FBXO24: variants seen among roughly 807,000 people sequenced by gnomAD.
FBXO24 encodes the protein F-box only protein 24.
FBXO24 carries 30 observed loss-of-function variants against 63.5 expected under a neutral mutation model. That is an observed-to-expected ratio of 0.47 (90% CI 0.35 to 0.64). FBXO24 has a LOEUF of 0.64. Ranked by LOEUF, FBXO24 falls within the 30% of genes least tolerant of loss-of-function variation. The probability of loss-of-function intolerance (pLI) is 0.00; values close to 1 mark genes in which losing one functional copy is unlikely to be tolerated. For synonymous variants in FBXO24, 300 were observed against 305.0 expected, an observed-to-expected ratio of 0.98 and a Z score of 0.17; for missense variants, 624 against 763.4, an observed-to-expected ratio of 0.82 and a Z score of 2.15.
At position 100,594,444 on chromosome 7, in the gene FBXO24, C is replaced by T; in HGVS notation, c.855C>T (p.Tyr285=). ...NETQLDQPRS[Y]TVQLALRKVS... is the part of the protein sequence containing the mutation. Reference sequence around the variant, plus strand: ...CCCAGCTTGACCAGCCACGCTCCTACACGGTTCAGCTGGCCCTGAGGAAGG... The same window carrying T: ...CCCAGCTTGACCAGCCACGCTCCTATACGGTTCAGCTGGCCCTGAGGAAGG... The change falls in exon 6 of 10, where the codon TAC becomes TAT. Residue 285 remains tyrosine (Y), a synonymous_variant. Coordinates refer to ENST00000241071, the MANE Select transcript of FBXO24 (RefSeq NM_033506.3). The surrounding 1 kb of genome is among the most constrained non-coding windows in gnomAD (Gnocchi z 4.2). The T allele has an allele frequency of 6.2e-7, 1 of 1,613,878 alleles. No homozygotes were observed. The highest frequency in any genetic ancestry group is 8.5e-7 in the Non-Finnish European group (1 of 1,179,872).
chr7:100,588,889 G>A (rs1801871260), intron 1 of FBXO24, among the ~76,000 whole-genome samples: 1 of 152,038 alleles, frequency 6.6e-6, no homozygotes, highest in Admixed American at 6.6e-5. Flanking sequence ...GCAGTGGCAC[G>A]ATCATAGCTC....
At position 100,597,019 on chromosome 7, in the gene FBXO24, G is replaced by A. The variant is rs568473538; in HGVS notation, c.1206+1313G>A. ...ATCGTGCCACAACATTCCAGCCTGG[G>A]CAACGGAGAGAGACTCTGTCTCAAA... On this transcript the variant is annotated intron_variant, in intron 8 of 9. Transcript: ENST00000241071. Among the ~76,000 whole-genome samples, 9 of 152,316 alleles carry A rather than the reference G, an allele frequency of 5.9e-5. No individual in the cohort carries two copies. In the South Asian group the frequency reaches 1.9e-3, roughly 32 times the overall value.
In FBXO24 at chr7:100,594,872, C is replaced by A. The variant is rs1051568117; in HGVS notation, c.953-230C>A. Reference sequence around the variant, plus strand: ...GGCCGAGACAGGAGAATCACTTGAACCAGGAGGTAGAGGTTGCAGTGAACT... The same window carrying A: ...GGCCGAGACAGGAGAATCACTTGAAACAGGAGGTAGAGGTTGCAGTGAACT... On this transcript the variant is annotated intron_variant, in intron 6 of 9. Transcript: ENST00000241071. This position sits in a 1 kb window ranked among gnomAD's most constrained non-coding sequence, Gnocchi z 4.2. Among the ~76,000 whole-genome samples, 8 of 152,158 alleles carry A rather than the reference C, an allele frequency of 5.3e-5. No homozygotes were observed. Among genetic ancestry groups the A allele is most frequent in the African/African-American group, 1.4e-4 (6 of 41,416 alleles).
At chr7:100,595,447 C>T in intron 7 of FBXO24, 128 bp from the exon 8 acceptor site, 1 of 1,290,376 alleles carries the variant, frequency 7.7e-7, no homozygotes, top group East Asian at 2.5e-5. Flanking sequence ...TAGTGAGATC[C>T]CATCTCTAAA....
Position 100,590,006 on chromosome 7 carries a change from G to A in FBXO24, c.69G>A (p.Ser23=), listed in dbSNP as rs116743424. The part of the protein sequence containing the change: ...RVKRSCPSCG[S]ELGVEEKRGK... Reference sequence around the variant, plus strand: ...AGAGAAGCTGCCCTTCTTGTGGCTCGGAGCTTGGGGTTGAAGAGAAGAGGG... The same window carrying A: ...AGAGAAGCTGCCCTTCTTGTGGCTCAGAGCTTGGGGTTGAAGAGAAGAGGG... The change falls in exon 2 of 10, where the codon TCG becomes TCA. Residue 23 remains serine, a synonymous_variant. Transcript: ENST00000241071. 19 of 1,612,426 alleles carry A rather than the reference G, an allele frequency of 1.2e-5. No homozygotes were observed. The highest frequency in any genetic ancestry group is 1.7e-4 in the Middle Eastern group (1 of 5,988).
At position 100,595,561 on chromosome 7, in the gene FBXO24, A is replaced by G; in HGVS notation, c.1075-14A>G. Reference sequence around the variant, plus strand: ...GGAATGGAATCCCTATCCCCTTTCTATCTTGCACGCTAGATCCTATTCTGT... The same window carrying G: ...GGAATGGAATCCCTATCCCCTTTCTGTCTTGCACGCTAGATCCTATTCTGT... On this transcript the variant is annotated splice_polypyrimidine_tract_variant and intron_variant, in intron 7 of 9. Coordinates refer to ENST00000241071, the MANE Select transcript of FBXO24 (RefSeq NM_033506.3). 1 of 1,577,566 alleles carries G rather than the reference A, an allele frequency of 6.3e-7. No individual in the cohort carries two copies. Among genetic ancestry groups the G allele is most frequent in the Admixed American group, 1.8e-5 (1 of 56,038 alleles).
rs1346152617 is a variant in FBXO24, at chr7:100,594,463, A to C, written c.874A>C (p.Arg292=). The C allele has an allele frequency of 1.2e-6, 2 of 1,613,790 alleles. No individual in the cohort carries two copies. The highest frequency in any genetic ancestry group is 1.7e-6 in the Non-Finnish European group (2 of 1,179,828). ...PRSYTVQLAL[R]KVSHYLPHLR... is the part of the protein sequence containing the mutation. ...CTCCTACACGGTTCAGCTGGCCCTG[A>C]GGAAGGTGTCCCACTACCTGCCTCA... The change falls in exon 6 of 10, where the codon AGG becomes CGG. Residue 292 remains arginine (R), a synonymous_variant. Transcript: ENST00000241071. The surrounding 1 kb of genome is among the most constrained non-coding windows in gnomAD (Gnocchi z 4.2).
intron 4 of FBXO24, 22 bp downstream of exon 4, chr7:100,591,924 G>A: frequency 6.2e-7 from 1 of 1,610,100 alleles, no homozygotes; most frequent in Non-Finnish European, 8.5e-7. Context: ...AACCCTGGCA[G>A]CTGAGAGCCC....
rs868666870 is a variant in FBXO24, at chr7:100,594,379, C to A, written c.794-4C>A. 8 of 1,611,320 alleles carry A rather than the reference C, an allele frequency of 5.0e-6. No individual in the cohort carries two copies. Among genetic ancestry groups the A allele is most frequent in the Admixed American group, 1.7e-5 (1 of 59,658 alleles). On this transcript the variant is annotated splice_region_variant and splice_polypyrimidine_tract_variant and intron_variant, in intron 5 of 9. Coordinates refer to ENST00000241071, the MANE Select transcript of FBXO24 (RefSeq NM_033506.3). The surrounding 1 kb of genome is among the most constrained non-coding windows in gnomAD (Gnocchi z 4.2). ...CCCCAACTAATTGCTTCCCCTACCC[C>A]CAGAGGAAGGAAAGATCTACTCTTT... is the stretch of plus-strand genomic sequence containing the variant.
rs1802184300 is a variant in FBXO24 at position 100,594,295 on chromosome 7, T to G, written c.794-88T>G. The G allele has an allele frequency of 1.4e-6, 2 of 1,444,900 alleles. No homozygotes were observed. The highest frequency in any genetic ancestry group is 2.9e-5 in the African/African-American group (2 of 68,986). 89.5% of individuals were successfully genotyped at this position (1,444,900 alleles called of 1,614,324 possible). A position where few individuals can be genotyped will look rare whatever the true frequency, so the allele number is the denominator to read the frequency against. Reference sequence around the variant, plus strand: ...GCCCCACTCTAGGGCAGTAAATGTGTCACCCATATGGCCTAGGGAGTCTCT... The same window carrying G: ...GCCCCACTCTAGGGCAGTAAATGTGGCACCCATATGGCCTAGGGAGTCTCT... On this transcript the variant is annotated intron_variant, in intron 5 of 9. Transcript: ENST00000241071. This position sits in a 1 kb window ranked among gnomAD's most constrained non-coding sequence, Gnocchi z 4.2.
intron 1 of FBXO24, among the ~76,000 whole-genome samples, chr7:100,588,417 T>C (rs1801852399): frequency 6.6e-6 from 1 of 152,158 alleles, no homozygotes; most frequent in Admixed American, 6.5e-5. Context: ...TATTCCTGAG[T>C]AGTTGCTGAA....
rs922110107 is a variant in FBXO24, at chr7:100,592,078, G to A, written c.558+176G>A. On this transcript the variant is annotated intron_variant, in intron 4 of 9. Transcript: ENST00000241071. Reference sequence around the variant, plus strand: ...GAGTTCGAGACCAGCCTGGCCAAATGGCGAAACCCGTCTCTACTAAAAATA... The same window carrying A: ...GAGTTCGAGACCAGCCTGGCCAAATAGCGAAACCCGTCTCTACTAAAAATA... 73 of 594,160 alleles carry A rather than the reference G, an allele frequency of 1.2e-4. 1 individual carries two copies. In the South Asian group the frequency reaches 1.4e-3, roughly 11 times the overall value. 36.8% of individuals were successfully genotyped at this position (594,160 alleles called of 1,614,324 possible). A position where few individuals can be genotyped will look rare whatever the true frequency, so the allele number is the denominator to read the frequency against.
intron 8 of FBXO24, among the ~76,000 whole-genome samples, chr7:100,598,872 G>A (rs969681539): frequency 5.9e-5 from 9 of 151,972 alleles, no homozygotes; most frequent in Non-Finnish European, 1.0e-4. Context: ...CCAGCTACTC[G>A]GGAGGCTGAG....
intron 4 of FBXO24, chr7:100,592,326 C>T (rs1802070997): frequency 4.0e-6 from 1 of 248,640 alleles, no homozygotes; most frequent in Non-Finnish European, 7.9e-6. Context: ...ACTCATAGTT[C>T]CACATGACTG....
In FBXO24 at chr7:100,594,368, T is replaced by C; in HGVS notation, c.794-15T>C. 4 of 1,610,184 alleles carry C rather than the reference T, an allele frequency of 2.5e-6. No individual in the cohort carries two copies. Among genetic ancestry groups the C allele is most frequent in the South Asian group, 2.2e-5 (2 of 90,444 alleles). On this transcript the variant is annotated splice_polypyrimidine_tract_variant and intron_variant, in intron 5 of 9. Transcript: ENST00000241071. This position sits in a 1 kb window ranked among gnomAD's most constrained non-coding sequence, Gnocchi z 4.2. ...GAGAATCCCCTCCCCAACTAATTGC[T>C]TCCCCTACCCCCAGAGGAAGGAAAG...
intron 8 of FBXO24, chr7:100,599,688 G>T (rs866526084): frequency 3.8e-6 from 1 of 260,080 alleles, no homozygotes; most frequent in Admixed American, 5.0e-5. Flanking sequence ...TGCACAAGAA[G>T]CAAGTCTCCC....
In FBXO24 at chr7:100,595,214, G is replaced by A. The variant is rs1802248074; in HGVS notation, c.1065G>A (p.Leu355=). The change falls in exon 7 of 10, where the codon CTG becomes CTA. Residue 355 remains leucine, a synonymous_variant. Transcript: ENST00000241071. ...AGCAGATGCCGCTTGCTCTCTCACTGCCTGCCAAGGTAGGCTCCTGGAGGG... is the reference window on the plus strand; with the variant it reads ...AGCAGATGCCGCTTGCTCTCTCACTACCTGCCAAGGTAGGCTCCTGGAGGG... ...LDQQMPLALS[L]PAKILFCALG... is the part of the protein sequence containing the mutation. 2 of 1,614,094 alleles carry A rather than the reference G, an allele frequency of 1.2e-6. No individual in the cohort carries two copies. The highest frequency in any genetic ancestry group is 1.7e-6 in the Non-Finnish European group (2 of 1,179,994).
At chr7:100,598,755 T>C (rs913314047) in intron 8 of FBXO24, among the ~76,000 whole-genome samples, 1 of 152,180 alleles carries the variant, frequency 6.6e-6, no homozygotes, top group Admixed American at 6.5e-5. Flanking sequence ...GGCAGGTGGA[T>C]TGCCTGAGCC....
intron 1 of FBXO24, chr7:100,589,651 A>C: frequency 1.3e-6 from 2 of 1,496,094 alleles, no homozygotes; most frequent in Non-Finnish European, 1.8e-6. Context: ...ATGGTGTGGG[A>C]AAGCCAGCAG....
Sources: gnomAD v4.1 joint callset for allele counts (sites outside exome capture counted in the v4.1 genomes callset) on GRCh38, gnomAD v4.1.1 for gene constraint, Gnocchi (gnomAD v3.1) non-coding constraint, MANE v1.5 for transcripts, NCBI Gene and HGNC (gene_info 2026-07-23, HGNC 2026-07-21) for gene names.